TRHDE: variants seen among roughly 807,000 people sequenced by gnomAD.
TRHDE encodes thyrotropin releasing hormone degrading enzyme.
Under a neutral mutation model 125.7 loss-of-function variants are expected in TRHDE, and 72 were observed. The ratio of observed to expected loss-of-function variants is 0.57; its 90% CI spans 0.47 to 0.70. The LOEUF (loss-of-function observed/expected upper bound fraction) is 0.70, where lower values mean the gene tolerates loss of function less well. Among genes scored for constraint, TRHDE ranks in the 30% least tolerant of loss-of-function variants. The pLI, the probability that TRHDE is intolerant of heterozygous loss-of-function variation, is 0.00. For synonymous variants in TRHDE, 509 were observed against 509.1 expected (o/e 1.00, Z 0.00); for missense variants, 1,110 against 1,327.1 (o/e 0.84, Z 2.54).
intron 2 of TRHDE, among the ~76,000 whole-genome samples, chr12:72,167,201 C>G (rs1478736757): frequency 1.3e-5 from 2 of 152,060 alleles, no homozygotes; most frequent in East Asian, 1.9e-4. Context: ...GCTCAATAGG[C>G]TAATCAGCAA....
At chr12:72,660,621 A>G (rs1874879940) in intron 18 of TRHDE, among the ~76,000 whole-genome samples, 1 of 152,198 alleles carries the variant, frequency 6.6e-6, no homozygotes, top group Non-Finnish European at 1.5e-5. Context: ...TAGTAATGCA[A>G]CAAAGAGTAA....
chr12:72,248,142 G>A lies in TRHDE; in HGVS notation n.280-129853G>A, dbSNP rs542851148. ...AATTTAATAGTGAAGTGCTTAGGCC[G>A]GGTGCGGTGGCTCACGCCTATAATC... On this transcript the variant is annotated intron_variant and non_coding_transcript_variant, in intron 2 of 4. Transcript: ENST00000548156. Among the ~76,000 whole-genome samples, 158 of 152,156 alleles carry A rather than the reference G, an allele frequency of 1.0e-3. 2 individuals carry two copies. The highest frequency in any genetic ancestry group is 3.7e-3 in the African/African-American group (152 of 41,518).
intron 12 of TRHDE, among the ~76,000 whole-genome samples, chr12:72,589,449 T>C (rs1385392602): frequency 6.6e-6 from 1 of 152,184 alleles, no homozygotes; most frequent in Non-Finnish European, 1.5e-5. Context: ...CAACCCATCA[T>C]CTAGGTTTTA....
chr12:72,123,706 C>T (rs533091205), intron 2 of TRHDE, among the ~76,000 whole-genome samples: 2 of 151,814 alleles, frequency 1.3e-5, no homozygotes, highest in Admixed American at 1.3e-4. Flanking sequence ...CAAATATATC[C>T]ACTTCTGAAA....
chr12:72,661,298 C>T (rs1057452463), intron 18 of TRHDE, among the ~76,000 whole-genome samples: 1 of 152,032 alleles, frequency 6.6e-6, no homozygotes, highest in Admixed American at 6.6e-5. Context: ...GCTGGCTTAC[C>T]ATCTCATAAG....
At chr12:72,292,022 C>T (rs1880108067) in intron 2 of TRHDE, among the ~76,000 whole-genome samples, 1 of 152,202 alleles carries the variant, frequency 6.6e-6, no homozygotes, top group Non-Finnish European at 1.5e-5. Context: ...TTTTATGTAT[C>T]AAGTTATATC....
Position 72,562,935 on chromosome 12 carries a change from C to T in TRHDE, c.1937C>T (p.Thr646Ile), listed in dbSNP as rs1870251573. 1.2e-6 allele frequency: 2 copies of T among 1,610,212 alleles called. No homozygotes were observed. Among genetic ancestry groups the T allele is most frequent in the South Asian group, 1.1e-5 (1 of 90,718 alleles). Reference protein sequence around the residue: ...WTLQMGYPVITILGNTTAENR... With the variant: ...WTLQMGYPVIIILGNTTAENR... ...CTCCAGATGGGTTATCCTGTTATCA[C>T]CATCTTGGGAAACACAACAGCAGAA... Residue 646 changes from threonine (T) to isoleucine (I), a missense_variant, in exon 9 of 19, where the codon ACC becomes ATC. Coordinates refer to ENST00000261180, the MANE Select transcript of TRHDE (RefSeq NM_013381.3).
At chr12:72,156,327 G>T (rs1876506232) in intron 2 of TRHDE, among the ~76,000 whole-genome samples, 1 of 152,208 alleles carries the variant, frequency 6.6e-6, no homozygotes, top group South Asian at 2.1e-4. Flanking sequence ...GGAATTCCCT[G>T]ACCCCTTGCG....
intron 2 of TRHDE, among the ~76,000 whole-genome samples, chr12:72,228,445 C>T (rs1878181068): frequency 6.6e-6 from 1 of 152,152 alleles, no homozygotes; most frequent in South Asian, 2.1e-4. Context: ...AGCATGAAGG[C>T]CCTGGACTTG....
rs527734942 is a variant in TRHDE at position 72,146,126 on chromosome 12, C to T, written n.279+40374C>T. 2.0e-5 allele frequency among the ~76,000 whole-genome samples: 3 copies of T among 152,258 alleles called. No individual in the cohort carries two copies. The East Asian group carries it at 5.8e-4, about 29-fold the overall frequency. On this transcript the variant is annotated intron_variant and non_coding_transcript_variant, in intron 2 of 4. Transcript: ENST00000548156. Reference sequence around the variant, plus strand: ...GCTATTAAAGGTATTTAGGAGTGATCTCCTTGAGGAAAGTGTATATTTAGG... The same window carrying T: ...GCTATTAAAGGTATTTAGGAGTGATTTCCTTGAGGAAAGTGTATATTTAGG...
At chr12:72,542,890 T>C (rs1029179006) in intron 7 of TRHDE, among the ~76,000 whole-genome samples, 3 of 151,370 alleles carry the variant, frequency 2.0e-5, no homozygotes, top group South Asian at 2.1e-4. Flanking sequence ...TTTATCATAA[T>C]GTGTTTAGAG....
intron 3 of TRHDE, among the ~76,000 whole-genome samples, chr12:72,446,387 C>T (rs1044734571): frequency 6.6e-6 from 1 of 151,922 alleles, no homozygotes. Context: ...AGAACCAGTA[C>T]CAGCCACTGC....
At chr12:72,326,117 AAT>A (rs1201887879) in intron 2 of TRHDE, among the ~76,000 whole-genome samples, 3 of 152,162 alleles carry the variant, frequency 2.0e-5, no homozygotes, top group Non-Finnish European at 4.4e-5. Context: ...ATGAGAAAAA[AAT>A]AGTCTTTATT....
intron 6 of TRHDE, among the ~76,000 whole-genome samples, chr12:72,513,053 G>A (rs768689165): frequency 2.0e-5 from 3 of 152,046 alleles, no homozygotes; most frequent in Non-Finnish European, 4.4e-5. Context: ...GTATGTTAAT[G>A]AAATATAAAC....
chr12:72,361,867 C>CATTTAGGGA (rs1276337428), intron 2 of TRHDE, among the ~76,000 whole-genome samples: 2 of 100,790 alleles, frequency 2.0e-5, no homozygotes, highest in African/African-American at 7.9e-5. Flanking sequence ...CCAATTTCAT[C>CATTTAGGGA]CATGTCCCTA....
chr12:72,622,527 C>A (rs1359040326), intron 15 of TRHDE, among the ~76,000 whole-genome samples: 1 of 151,994 alleles, frequency 6.6e-6, no homozygotes, highest in Non-Finnish European at 1.5e-5. Flanking sequence ...TAGAGTCTTT[C>A]CTCCTAGGAA....
chr12:72,219,130 TAG>T (rs1288554897), intron 2 of TRHDE, among the ~76,000 whole-genome samples: 1 of 151,944 alleles, frequency 6.6e-6, no homozygotes, highest in African/African-American at 2.4e-5. Flanking sequence ...ATAGTAATAG[TAG>T]ATGGCAATTA....
intron 2 of TRHDE, among the ~76,000 whole-genome samples, chr12:72,133,738 C>T (rs1875919165): frequency 6.6e-6 from 1 of 152,134 alleles, no homozygotes; most frequent in East Asian, 1.9e-4. Flanking sequence ...GTGCTGGGTT[C>T]TCTATGGAAT....
chr12:72,325,502 A>G lies in TRHDE; in HGVS notation c.1188+38548A>G, dbSNP rs150359871. On this transcript the variant is annotated intron_variant, in intron 2 of 18. Coordinates refer to ENST00000261180, the MANE Select transcript of TRHDE (RefSeq NM_013381.3). ...AACTGGAATTTGATGTTTTAGGAAT[A>G]AAGAAACCATGCAAATATAGCAAAC... Among the ~76,000 whole-genome samples, 217 of 152,308 alleles carry G rather than the reference A, an allele frequency of 1.4e-3. 1 individual carries two copies. Among genetic ancestry groups the G allele is most frequent in the Middle Eastern group, 0.01 (3 of 294 alleles).
Sources: gnomAD v4.1 joint callset for allele counts (sites outside exome capture counted in the v4.1 genomes callset) on GRCh38, gnomAD v4.1.1 for gene constraint, MANE v1.5 for transcripts, NCBI Gene and HGNC (gene_info 2026-07-23, HGNC 2026-07-21) for gene names.